Variants in CLTCL1 observed in about 807,000 individuals in gnomAD.
CLTCL1 encodes the protein clathrin heavy chain 2.
In CLTCL1, 159 loss-of-function variants were observed where a neutral mutation model predicts 190.0. The observed-to-expected ratio is 0.84, with a 90% CI of 0.74 to 0.95. The LOEUF (loss-of-function observed/expected upper bound fraction) is 0.95. Ranked by LOEUF, CLTCL1 falls within the 40% of genes least tolerant of loss-of-function variation. The pLI is 0.00. For missense variants in CLTCL1, 1,878 were observed against 2,033.4 expected (o/e 0.92, Z 1.47); for synonymous variants, 752 against 769.6 (o/e 0.98, Z 0.38).
chr22:19,249,854 G>A, intron 3 of CLTCL1: 1 of 401,884 alleles, frequency 2.5e-6, no homozygotes. Flanking sequence ...AGCTGATTTT[G>A]AAACTTAAAA....
chr22:19,279,832 C>T (rs1296184262), intron 1 of CLTCL1, among the ~76,000 whole-genome samples: 1 of 152,160 alleles, frequency 6.6e-6, no homozygotes, highest in Non-Finnish European at 1.5e-5. Context: ...AAACATTTAG[C>T]ACATAAAAGC....
intron 26 of CLTCL1, among the ~76,000 whole-genome samples, chr22:19,195,849 A>G (rs1410103861): frequency 1.3e-5 from 2 of 151,890 alleles, no homozygotes; most frequent in African/African-American, 4.8e-5. Flanking sequence ...CTGGGGAGAG[A>G]CATGAACTAA....
rs951898153 is a variant in CLTCL1, at chr22:19,198,081, C to T, written c.3874-1425G>A. ...ATGTGTCCAAAAAGTAATTCTTGTC[C>T]TTCCCTCCCGTGCTGCACCTTCAGT... On this transcript the variant is annotated intron_variant, in intron 24 of 32. Transcript: ENST00000427926. The surrounding 1 kb of genome is among the most constrained non-coding windows in gnomAD (Gnocchi z 4.1). 1.2e-4 allele frequency among the ~76,000 whole-genome samples: 18 copies of T among 152,178 alleles called. No individual in the cohort carries two copies. The highest frequency in any genetic ancestry group is 4.3e-4 in the African/African-American group (18 of 41,422).
At position 19,207,919 on chromosome 22, in the gene CLTCL1, G is replaced by C; in HGVS notation, c.3600+235C>G. The C allele has an allele frequency of 1.5e-5, 10 of 673,232 alleles. No homozygotes were observed. The South Asian group carries it at 1.7e-4, about 11-fold the overall frequency. 41.7% of individuals were successfully genotyped at this position (673,232 alleles called of 1,614,324 possible). A position where few individuals can be genotyped will look rare whatever the true frequency, so the allele number is the denominator to read the frequency against. The stretch of plus-strand genomic sequence containing the variant: ...GGGCTCCCACTGAGTCTACATTATG[G>C]TGAGTTGTAGAATTATTTCATTATA... On this transcript the variant is annotated intron_variant, in intron 22 of 32. Transcript: ENST00000427926.
At position 19,196,401 on chromosome 22, in the gene CLTCL1, T is replaced by C. The variant is rs368439865; in HGVS notation, c.4056A>G (p.Ala1352=). The change falls in exon 26 of 33, where the codon GCA becomes GCG. Residue 1352 remains alanine (A), a synonymous_variant. Transcript: ENST00000427926. The part of the protein sequence containing the change: ...RVNIPKVLRA[A]EQAHLWAELV... The stretch of plus-strand genomic sequence containing the variant: ...GCTCAGCCCACAGGTGTGCCTGCTC[T>C]GCAGCCCTCAGCACCTGGACAAGGA... 1.6e-5 allele frequency: 26 copies of C among 1,613,934 alleles called. No individual in the cohort carries two copies. In the African/African-American group the frequency reaches 2.3e-4, roughly 14 times the overall value.
At chr22:19,200,209 C>T (rs575533535) in intron 23 of CLTCL1, among the ~76,000 whole-genome samples, 4 of 152,160 alleles carry the variant, frequency 2.6e-5, no homozygotes, top group African/African-American at 4.8e-5. Flanking sequence ...GTTGTTTTCA[C>T]GGGGGAGCTT....
At position 19,204,553 on chromosome 22, in the gene CLTCL1, G is replaced by A. The variant is rs782035815; in HGVS notation, c.3601-3060C>T. Among the ~76,000 whole-genome samples the A allele has an allele frequency of 3.3e-5, 5 of 152,248 alleles. No homozygotes were observed. In the South Asian group the frequency reaches 1.0e-3, roughly 32 times the overall value. On this transcript the variant is annotated intron_variant, in intron 22 of 32. Transcript: ENST00000427926. ...TTTTTAAGAATCTTATGATTCACGG[G>A]GCAGAAATCTGATTACCATTTTCCC...
At chr22:19,193,752 T>C (rs557739584) in intron 26 of CLTCL1, among the ~76,000 whole-genome samples, 3 of 152,346 alleles carry the variant, frequency 2.0e-5, no homozygotes, top group South Asian at 4.1e-4. Flanking sequence ...AAAGATGTTG[T>C]GTCCAGAGTT....
chr22:19,192,972 G>A (rs1176042873), intron 26 of CLTCL1, among the ~76,000 whole-genome samples: 1 of 152,184 alleles, frequency 6.6e-6, no homozygotes, highest in Non-Finnish European at 1.5e-5. Flanking sequence ...AGACACTGAA[G>A]AAGCAGAGAG....
chr22:19,240,251 C>T (rs555058900), intron 4 of CLTCL1, among the ~76,000 whole-genome samples: 2 of 152,080 alleles, frequency 1.3e-5, no homozygotes, highest in African/African-American at 2.4e-5. Flanking sequence ...GCACGAGCCA[C>T]CACGCCCAGC....
chr22:19,274,754 A>G (rs1555982266), intron 2 of CLTCL1, among the ~76,000 whole-genome samples: 2 of 132,306 alleles, frequency 1.5e-5, no homozygotes, highest in Non-Finnish European at 3.2e-5. Flanking sequence ...TTTGAGACCG[A>G]TTTTTGCTCT....
chr22:19,208,804 C>T (rs2085129379), intron 21 of CLTCL1, 118 bp downstream of exon 21: 4 of 823,022 alleles, frequency 4.9e-6, no homozygotes, highest in Non-Finnish European at 7.5e-6. Flanking sequence ...TAGATGTGCC[C>T]TCTGATATCT....
intron 1 of CLTCL1, among the ~76,000 whole-genome samples, chr22:19,290,860 G>A (rs544264050): frequency 6.6e-6 from 1 of 152,288 alleles, no homozygotes; most frequent in African/African-American, 2.4e-5. Context: ...GAATGGTAGT[G>A]TGATGATTTA....
chr22:19,272,446 T>C (rs1555981128), intron 2 of CLTCL1, among the ~76,000 whole-genome samples: 1 of 152,134 alleles, frequency 6.6e-6, no homozygotes. Context: ...CCTTTTAATT[T>C]TTTTTTGAGA....
rs782782442 is a variant in CLTCL1, at chr22:19,234,515, T to G, written c.1161A>C (p.Ala387=). The change falls in exon 7 of 33, where the codon GCA becomes GCC. Residue 387 remains alanine (A), a synonymous_variant. Transcript: ENST00000427926. Reference sequence around the variant, plus strand: ...AGTATTCAAGGTTTATCACCTTTGGTGCAGACGCTGCAACTTTGGCGGCTT... The same window carrying G: ...AGTATTCAAGGTTTATCACCTTTGGGGCAGACGCTGCAACTTTGGCGGCTT... ...YAEAAKVAAS[A]PKGILRTRET... 1 of 1,612,452 alleles carries G rather than the reference T, an allele frequency of 6.2e-7. No homozygotes were observed. The highest frequency in any genetic ancestry group is 1.7e-5 in the Admixed American group (1 of 59,766).
In CLTCL1 at chr22:19,291,485, G is replaced by C; in HGVS notation, c.42+115C>G. On this transcript the variant is annotated intron_variant, in intron 1 of 32. Transcript: ENST00000427926. ...CAGCCCAGGTGGGAGGTCGGAAATC[G>C]GCGCGGCCAGCTGGGCAGCGGCTCA... 2 of 1,040,230 alleles carry C rather than the reference G, an allele frequency of 1.9e-6. 1 individual carries two copies. Among genetic ancestry groups the C allele is most frequent in the Middle Eastern group, 7.1e-4 (2 of 2,836 alleles). The allele number at this position is 1,040,230 out of a possible 1,614,324, so 64.4% of individuals were successfully genotyped here.
At chr22:19,212,783 A>T (rs2085275876) in intron 19 of CLTCL1, among the ~76,000 whole-genome samples, 1 of 152,202 alleles carries the variant, frequency 6.6e-6, no homozygotes, top group Non-Finnish European at 1.5e-5. Flanking sequence ...ATGCTGGAAT[A>T]AACTGGACAT....
rs2088136652 is a variant in CLTCL1 at position 19,291,703 on chromosome 22, G to A, written c.-62C>T. On this transcript the variant is annotated 5_prime_UTR_variant, in exon 1 of 33. Coordinates refer to ENST00000427926, the MANE Select transcript of CLTCL1 (RefSeq NM_007098.4). ...GCAGGAATGAACGCCGACCCCTCGC[G>A]CGGGCTGACCGGTGGCGACGGCGCA... 3 of 1,308,894 alleles carry A rather than the reference G, an allele frequency of 2.3e-6. No individual in the cohort carries two copies. The highest frequency in any genetic ancestry group is 2.9e-6 in the Non-Finnish European group (3 of 1,020,432). The allele number at this position is 1,308,894 out of a possible 1,614,324, so 81.1% of individuals were successfully genotyped here. A position where few individuals can be genotyped will look rare whatever the true frequency, so the allele number is the denominator to read the frequency against.
intron 19 of CLTCL1, among the ~76,000 whole-genome samples, chr22:19,211,449 A>C (rs2085217334): frequency 6.6e-6 from 1 of 152,150 alleles, no homozygotes; most frequent in Non-Finnish European, 1.5e-5. Context: ...AATGAATCGC[A>C]AAGAAAGCAC....
Sources: allele counts gnomAD v4.1 joint callset (sites outside exome capture counted in the v4.1 genomes callset), GRCh38; gene constraint gnomAD v4.1.1; non-coding constraint Gnocchi (gnomAD v3.1); transcripts MANE v1.5; gene names NCBI Gene and HGNC (gene_info 2026-07-23, HGNC 2026-07-21).